The following CSMD1 variants were observed in gnomAD, a reference collection of about 807,000 sequenced individuals.
CSMD1 encodes CUB and sushi domain-containing protein 1.
CSMD1 carries 213 observed loss-of-function variants against 417.5 expected under a neutral mutation model. The ratio of observed to expected loss-of-function variants is 0.51; its 90% CI spans 0.46 to 0.57. The LOEUF (loss-of-function observed/expected upper bound fraction) is 0.57, where lower values mean the gene tolerates loss of function less well. Ranked by LOEUF, CSMD1 falls within the 20% of genes least tolerant of loss-of-function variation. The probability of loss-of-function intolerance (pLI) is 0.00; values close to 1 mark genes in which losing one functional copy is unlikely to be tolerated. For missense variants in CSMD1, 6,923 were observed against 4,529.7 expected (o/e 1.53, Z -15.17); for synonymous variants, 2,862 against 1,736.8 (o/e 1.65, Z -16.11).
intron 17 of CSMD1, among the ~76,000 whole-genome samples, chr8:3,394,196 T>C (rs1336672535): frequency 6.8e-6 from 1 of 146,752 alleles, no homozygotes; most frequent in Non-Finnish European, 1.5e-5. Flanking sequence ...GTCATTCTTT[T>C]AAGATTATAA....
intron 3 of CSMD1, among the ~76,000 whole-genome samples, chr8:4,154,063 A>G (rs770664581): frequency 1.3e-5 from 2 of 152,194 alleles, no homozygotes; most frequent in Non-Finnish European, 2.9e-5. Flanking sequence ...TAAGGAGGTA[A>G]TAAATAAATT....
chr8:4,528,576 G>C (rs954130750), intron 2 of CSMD1, among the ~76,000 whole-genome samples: 2 of 151,844 alleles, frequency 1.3e-5, no homozygotes, highest in African/African-American at 2.4e-5. Flanking sequence ...TTAATTATTT[G>C]TATCACAAAA....
intron 7 of CSMD1, among the ~76,000 whole-genome samples, chr8:3,674,207 G>A (rs1585055099): frequency 6.6e-6 from 1 of 152,224 alleles, no homozygotes; most frequent in East Asian, 1.9e-4. Flanking sequence ...GTTGTCTCTA[G>A]AATTATCAAA....
chr8:4,048,659 C>T (rs949843963), intron 3 of CSMD1, among the ~76,000 whole-genome samples: 1 of 152,202 alleles, frequency 6.6e-6, no homozygotes, highest in Non-Finnish European at 1.5e-5. Context: ...TGACTTCCAA[C>T]CACAGAGGAA....
At chr8:4,445,186 A>C (rs987946194) in intron 2 of CSMD1, among the ~76,000 whole-genome samples, 19 of 152,118 alleles carry the variant, frequency 1.2e-4, no homozygotes, top group Admixed American at 1.1e-3. Context: ...CTTTTTTTTA[A>C]TGTGCAGAAT....
chr8:4,360,581 CCAG>C lies in CSMD1; in HGVS notation c.415+59369_415+59371del, dbSNP rs531726704. On this transcript the variant is annotated intron_variant, in intron 3 of 69. Coordinates refer to ENST00000635120, the MANE Select transcript of CSMD1 (RefSeq NM_033225.6). ...CTCGGCTCACTGCAAGCTCCGCCTC[CCAG>C]GTTCACGTCATTCTCCTGCCTCAGC... Among the ~76,000 whole-genome samples, 78 of 152,270 alleles carry C rather than the reference CCAG, an allele frequency of 5.1e-4. No homozygotes were observed. In the South Asian group the frequency reaches 6.0e-3, roughly 12 times the overall value.
chr8:3,593,251 G>T (rs948067185), intron 8 of CSMD1, among the ~76,000 whole-genome samples: 2 of 152,208 alleles, frequency 1.3e-5, no homozygotes, highest in Admixed American at 6.5e-5. Flanking sequence ...CAGAACCCCC[G>T]CGTTGTGTCT....
intron 2 of CSMD1, among the ~76,000 whole-genome samples, chr8:4,434,691 G>A (rs938470032): frequency 1.3e-5 from 2 of 152,140 alleles, no homozygotes; most frequent in Admixed American, 1.3e-4. Flanking sequence ...AAGGAACAAA[G>A]AGTAACAAAT....
In CSMD1 at chr8:4,281,996, G is replaced by A. The variant is rs78493271; in HGVS notation, c.415+137957C>T. On this transcript the variant is annotated intron_variant, in intron 3 of 69. Transcript: ENST00000635120. ...TTGCAAATGCATTCAACTATAGCAAGGTGAATTCATGTTCTCTTGAGATGT... is the reference window on the plus strand; with the variant it reads ...TTGCAAATGCATTCAACTATAGCAAAGTGAATTCATGTTCTCTTGAGATGT... Among the ~76,000 whole-genome samples, 1,026 of 152,322 alleles carry A rather than the reference G, an allele frequency of 6.7e-3. 9 individuals carry two copies. The highest frequency in any genetic ancestry group is 0.023 in the African/African-American group (955 of 41,572).
At chr8:3,329,306 C>T (rs1032435334) in intron 23 of CSMD1, among the ~76,000 whole-genome samples, 28 of 152,148 alleles carry the variant, frequency 1.8e-4, no homozygotes, top group East Asian at 1.2e-3. Flanking sequence ...TCTGGACAGC[C>T]GGACCCCTAA....
chr8:3,103,257 T>C (rs1815888329), intron 46 of CSMD1, among the ~76,000 whole-genome samples: 1 of 152,164 alleles, frequency 6.6e-6, no homozygotes, highest in Admixed American at 6.5e-5. Context: ...TAACCAGTTA[T>C]AGAAATAAAA....
At chr8:3,763,601 C>G (rs1316644964) in intron 5 of CSMD1, among the ~76,000 whole-genome samples, 1 of 152,112 alleles carries the variant, frequency 6.6e-6, no homozygotes, top group African/African-American at 2.4e-5. Flanking sequence ...AATTCTGAGC[C>G]AAATAAACCT....
chr8:4,335,829 A>C (rs1039008986), intron 3 of CSMD1, among the ~76,000 whole-genome samples: 5 of 152,050 alleles, frequency 3.3e-5, no homozygotes, highest in African/African-American at 1.2e-4. Context: ...TACTCAGCCC[A>C]GGGGTTGATT....
intron 3 of CSMD1, among the ~76,000 whole-genome samples, chr8:4,113,500 G>T (rs1037994697): frequency 1.4e-5 from 2 of 145,386 alleles, no homozygotes; most frequent in Admixed American, 7.2e-5. Context: ...TGCCTCCCAG[G>T]TTCAAGCAAT....
At chr8:3,824,281 T>C (rs1801919118) in intron 5 of CSMD1, among the ~76,000 whole-genome samples, 1 of 151,958 alleles carries the variant, frequency 6.6e-6, no homozygotes, top group African/African-American at 2.4e-5. Context: ...ACTCTTTCAC[T>C]TAATTCGATG....
intron 1 of CSMD1, among the ~76,000 whole-genome samples, chr8:4,858,476 T>A (rs1458585323): frequency 6.6e-6 from 1 of 151,256 alleles, no homozygotes; most frequent in East Asian, 2.0e-4. Flanking sequence ...AGTCAAATTG[T>A]CCCTGTTTGC....
chr8:4,427,343 G>C (rs1298681110), intron 2 of CSMD1, among the ~76,000 whole-genome samples: 1 of 152,134 alleles, frequency 6.6e-6, no homozygotes, highest in Admixed American at 6.6e-5. Flanking sequence ...ATGTCAAACT[G>C]TGTCAGGACA....
At chr8:4,613,659 T>C (rs980035515) in intron 2 of CSMD1, among the ~76,000 whole-genome samples, 5 of 152,110 alleles carry the variant, frequency 3.3e-5, no homozygotes, top group African/African-American at 9.7e-5. Flanking sequence ...TAATGAATTA[T>C]ATGCAAAAAA....
chr8:4,176,701 C>T (rs1385241288), intron 3 of CSMD1, among the ~76,000 whole-genome samples: 1 of 150,726 alleles, frequency 6.6e-6, no homozygotes, highest in Non-Finnish European at 1.5e-5. Context: ...CGTGCAGAGA[C>T]ACACATAGGC....
Sources: gnomAD v4.1 joint callset for allele counts (sites outside exome capture counted in the v4.1 genomes callset) on GRCh38, gnomAD v4.1.1 for gene constraint, MANE v1.5 for transcripts, NCBI Gene and HGNC (gene_info 2026-07-23, HGNC 2026-07-21) for gene names.